Variants in MUCL1 observed in about 807,000 individuals in gnomAD.
MUCL1 encodes mucin-like protein 1.
In MUCL1, 11 loss-of-function variants were observed where a neutral mutation model predicts 9.2. That is an observed-to-expected ratio of 1.19 (90% confidence interval 0.75 to 1.97). The LOEUF is 1.97. Ranked by LOEUF, MUCL1 falls within the 30% of genes most tolerant of loss-of-function variation. The pLI, the probability that MUCL1 is intolerant of heterozygous loss-of-function variation, is 0.00. For missense variants in MUCL1, 144 were observed against 110.9 expected, an observed-to-expected ratio of 1.30 and a Z score of -1.34; for synonymous variants, 48 against 40.5, an observed-to-expected ratio of 1.19 and a Z score of -0.71.
upstream of MUCL1, among the ~76,000 whole-genome samples, chr12:54,849,834 A>C (rs1959310440): frequency 6.6e-6 from 1 of 152,182 alleles, no homozygotes; most frequent in Non-Finnish European, 1.5e-5. Flanking sequence ...AAAAACCTAC[A>C]ATTTGAAGCA....
At chr12:54,839,825 C>T (rs921000548) in intron 1 of MUCL1, among the ~76,000 whole-genome samples, 1 of 152,166 alleles carries the variant, frequency 6.6e-6, no homozygotes, top group Non-Finnish European at 1.5e-5. Context: ...GAAGTTCCAA[C>T]TGTGTCACCT....
chr12:54,856,649 G>A, intron 2 of MUCL1, 121 bp from the exon 3 acceptor site: 1 of 1,343,568 alleles, frequency 7.4e-7, no homozygotes, highest in Non-Finnish European at 1.0e-6. Flanking sequence ...AGGTAAGACA[G>A]AACTGATGAC....
At chr12:54,836,758 C>T (rs766361840), upstream of MUCL1, among the ~76,000 whole-genome samples, 29 of 152,070 alleles carry the variant, frequency 1.9e-4, no homozygotes, top group Non-Finnish European at 4.0e-4. Flanking sequence ...TTGCTATATG[C>T]CAGAGGTTTT....
chr12:54,842,711 T>G (rs1959218574), intron 1 of MUCL1, among the ~76,000 whole-genome samples: 1 of 152,216 alleles, frequency 6.6e-6, no homozygotes, highest in Non-Finnish European at 1.5e-5. Flanking sequence ...TAGATTGTTT[T>G]AGACGTTCTA....
chr12:54,854,592 T>G lies in MUCL1; in HGVS notation c.10T>G (p.Leu4Val), dbSNP rs781433917. 1 of 1,613,456 alleles carries G rather than the reference T, an allele frequency of 6.2e-7. No individual in the cohort carries two copies. The highest frequency in any genetic ancestry group is 1.1e-5 in the South Asian group (1 of 91,046). The change falls in exon 1 of 4, where the codon TTA (leucine) becomes GTA (valine). Residue 4 changes from leucine to valine, a missense_variant. Coordinates refer to ENST00000308796, the MANE Select transcript of MUCL1 (RefSeq NM_058173.3). Reference sequence around the variant, plus strand: ...TCTTCAGGTCACCACCATGAAGTTCTTAGCAGTCCTGGTACTCTTGGGAGT... The same window carrying G: ...TCTTCAGGTCACCACCATGAAGTTCGTAGCAGTCCTGGTACTCTTGGGAGT... The part of the protein sequence containing the change: MKF[L>V]AVLVLLGVSI...
At chr12:54,844,318 T>C (rs1959231026) in intron 1 of MUCL1, among the ~76,000 whole-genome samples, 1 of 152,190 alleles carries the variant, frequency 6.6e-6, no homozygotes, top group Admixed American at 6.5e-5. Flanking sequence ...AAATTAAGGT[T>C]TCTGTTAGAT....
chr12:54,849,432 T>C (rs932219794), intron 1 of MUCL1, among the ~76,000 whole-genome samples: 4 of 152,122 alleles, frequency 2.6e-5, no homozygotes, highest in Non-Finnish European at 5.9e-5. Flanking sequence ...TACTTTCTTA[T>C]GTATACTTCT....
At chr12:54,848,534 ACT>A (rs1278661742) in intron 1 of MUCL1, among the ~76,000 whole-genome samples, 3 of 152,114 alleles carry the variant, frequency 2.0e-5, no homozygotes, top group African/African-American at 7.2e-5. Flanking sequence ...AGATTGGAAA[ACT>A]TTTTTATTTT....
intron 1 of MUCL1, among the ~76,000 whole-genome samples, chr12:54,844,330 G>A (rs1305486611): frequency 6.6e-6 from 1 of 152,106 alleles, no homozygotes; most frequent in African/African-American, 2.4e-5. Flanking sequence ...CTGTTAGATA[G>A]ATTTTTTTTG....
At chr12:54,845,972 T>C (rs1361276504) in intron 1 of MUCL1, among the ~76,000 whole-genome samples, 1 of 152,188 alleles carries the variant, frequency 6.6e-6, no homozygotes, top group African/African-American at 2.4e-5. Flanking sequence ...AATTGCCTCA[T>C]CTCTTTTGTT....
chr12:54,853,312 C>T (rs1868269980), upstream of MUCL1, among the ~76,000 whole-genome samples: 1 of 152,170 alleles, frequency 6.6e-6, no homozygotes, highest in Non-Finnish European at 1.5e-5. Context: ...GGGTCCAGCA[C>T]TTGATTGTGC....
At chr12:54,837,009 A>G (rs1487919494), upstream of MUCL1, among the ~76,000 whole-genome samples, 2 of 152,132 alleles carry the variant, frequency 1.3e-5, no homozygotes, top group Non-Finnish European at 1.5e-5. Context: ...TATATGGTCT[A>G]TCTTGGAGAA....
intron 3 of MUCL1, among the ~76,000 whole-genome samples, chr12:54,857,850 T>A (rs1868312285): frequency 6.6e-6 from 1 of 152,158 alleles, no homozygotes; most frequent in South Asian, 2.1e-4. Flanking sequence ...ACTCTGTCAA[T>A]AATCTGTAAA....
At chr12:54,848,820 T>C (rs1014872386) in intron 1 of MUCL1, among the ~76,000 whole-genome samples, 1 of 152,182 alleles carries the variant, frequency 6.6e-6, no homozygotes, top group Non-Finnish European at 1.5e-5. Flanking sequence ...TTCTTGTTAT[T>C]TTAATTTTTA....
At chr12:54,849,343 T>C (rs1354688181) in intron 1 of MUCL1, among the ~76,000 whole-genome samples, 3 of 152,138 alleles carry the variant, frequency 2.0e-5, no homozygotes, top group African/African-American at 7.2e-5. Flanking sequence ...AGTTCATATA[T>C]GCATAAAATT....
At chr12:54,857,240 G>A (rs914139945) in intron 3 of MUCL1, among the ~76,000 whole-genome samples, 1 of 146,380 alleles carries the variant, frequency 6.8e-6, no homozygotes, top group African/African-American at 2.7e-5. Flanking sequence ...TAGTGTGTGT[G>A]TGTGTGTGTG....
chr12:54,834,673 A>G (rs1473098452), upstream of MUCL1, among the ~76,000 whole-genome samples: 1 of 152,010 alleles, frequency 6.6e-6, no homozygotes. Flanking sequence ...CATTAATCAT[A>G]ATGAACTAAC....
At chr12:54,858,098 A>T in intron 3 of MUCL1, 95 bp from the exon 4 acceptor site, 1 of 1,448,366 alleles carries the variant, frequency 6.9e-7, no homozygotes, top group Non-Finnish European at 9.7e-7. Flanking sequence ...TTTAGTTGAC[A>T]TTTGACACTT....
intron 1 of MUCL1, among the ~76,000 whole-genome samples, chr12:54,843,623 A>T (rs1959225132): frequency 6.6e-6 from 1 of 152,202 alleles, no homozygotes; most frequent in Non-Finnish European, 1.5e-5. Context: ...GGGAGACAGG[A>T]AAGTCAGGGT....
Sources: allele counts gnomAD v4.1 joint callset (sites outside exome capture counted in the v4.1 genomes callset), GRCh38; gene constraint gnomAD v4.1.1; transcripts MANE v1.5; gene names NCBI Gene and HGNC (gene_info 2026-07-23, HGNC 2026-07-21).